The following CSMD1 variants were observed in gnomAD, a reference collection of about 807,000 sequenced individuals.
CSMD1 encodes CUB and sushi domain-containing protein 1.
CSMD1 carries 213 observed loss-of-function variants against 417.5 expected under a neutral mutation model. That is an observed-to-expected ratio of 0.51 (90% CI 0.46 to 0.57). The LOEUF (loss-of-function observed/expected upper bound fraction) is 0.57. CSMD1 is among the 20% of genes least tolerant of loss of function. The pLI, the probability that CSMD1 is intolerant of heterozygous loss-of-function variation, is 0.00. For synonymous variants in CSMD1, 2,862 were observed against 1,736.8 expected (o/e 1.65, Z -16.11); for missense variants, 6,923 against 4,529.7 (o/e 1.53, Z -15.17).
At chr8:3,650,041 A>C (rs143312587) in intron 7 of CSMD1, among the ~76,000 whole-genome samples, 1 of 152,160 alleles carries the variant, frequency 6.6e-6, no homozygotes, top group Non-Finnish European at 1.5e-5. Context: ...CACTTTGGGA[A>C]GCCAAGGCGG....
rs567995226 is a variant in CSMD1 at position 4,419,133 on chromosome 8, A to C, written c.415+820T>G. On this transcript the variant is annotated intron_variant, in intron 3 of 69. Transcript: ENST00000635120. ...CTTAGTAGCAAATGACATCCCAAGT[A>C]AACAGTGTGTGTTGTAAATAGGAAT... Among the ~76,000 whole-genome samples the C allele has an allele frequency of 2.6e-5, 4 of 152,306 alleles. No homozygotes were observed. In the East Asian group the frequency reaches 7.7e-4, roughly 29 times the overall value.
intron 3 of CSMD1, among the ~76,000 whole-genome samples, chr8:4,162,482 G>A (rs945005835): frequency 6.6e-6 from 1 of 152,134 alleles, no homozygotes; most frequent in Non-Finnish European, 1.5e-5. Flanking sequence ...AAGCCAGTTT[G>A]ATGAACAGTT....
chr8:4,966,207 TACA>T (rs1809846084), intron 1 of CSMD1, among the ~76,000 whole-genome samples: 1 of 36,842 alleles, frequency 2.7e-5, no homozygotes. Flanking sequence ...CTACTAAATA[TACA>T]AAAAAAAAAA....
chr8:4,109,933 A>G (rs1170017298), intron 3 of CSMD1, among the ~76,000 whole-genome samples: 4 of 152,166 alleles, frequency 2.6e-5, no homozygotes, highest in Admixed American at 1.3e-4. Context: ...ATGAAATAAG[A>G]TCATGACAAT....
At chr8:3,224,849 T>G (rs1243346508) in intron 27 of CSMD1, among the ~76,000 whole-genome samples, 2 of 152,190 alleles carry the variant, frequency 1.3e-5, no homozygotes, top group Non-Finnish European at 2.9e-5. Context: ...ACGGAAGGTG[T>G]GAAAACACTG....
At chr8:4,797,874 C>A (rs111822406) in intron 1 of CSMD1, among the ~76,000 whole-genome samples, 3,467 of 152,164 alleles carry the variant, frequency 0.023, 112 homozygotes, top group African/African-American at 0.066. Context: ...ATGGATTTTA[C>A]GAAAATCATC....
At chr8:3,000,216 T>A in intron 52 of CSMD1, 85 bp from the exon 53 acceptor site, 1 of 939,758 alleles carries the variant, frequency 1.1e-6, no homozygotes, top group African/African-American at 1.7e-5. Flanking sequence ...ATCAAGTCAA[T>A]AACAGTATTG....
At chr8:2,998,491 A>G (rs1807111569) in intron 53 of CSMD1, among the ~76,000 whole-genome samples, 1 of 152,214 alleles carries the variant, frequency 6.6e-6, no homozygotes, top group African/African-American at 2.4e-5. Flanking sequence ...TTAAAAACGA[A>G]GCAGTGAAAA....
chr8:3,862,959 A>T (rs1804820093), intron 5 of CSMD1, among the ~76,000 whole-genome samples: 1 of 152,154 alleles, frequency 6.6e-6, no homozygotes, highest in Non-Finnish European at 1.5e-5. Context: ...ATAGTTCACA[A>T]TTCTGGAGTC....
At chr8:3,562,289 G>A (rs142131946) in intron 10 of CSMD1, among the ~76,000 whole-genome samples, 2 of 143,334 alleles carry the variant, frequency 1.4e-5, no homozygotes, top group Non-Finnish European at 3.1e-5. Flanking sequence ...TGATGAGAGA[G>A]TTTTAGAATC....
At chr8:4,643,897 G>C (rs368901494) in intron 1 of CSMD1, among the ~76,000 whole-genome samples, 6 of 152,152 alleles carry the variant, frequency 3.9e-5, no homozygotes, top group Admixed American at 6.5e-5. Flanking sequence ...ATGCCCTGTA[G>C]GAGGCTTTGA....
At chr8:3,441,761 T>A (rs921805939) in intron 12 of CSMD1, among the ~76,000 whole-genome samples, 2 of 152,116 alleles carry the variant, frequency 1.3e-5, no homozygotes, top group African/African-American at 4.8e-5. Flanking sequence ...CACTTGATAA[T>A]AATAAGTGAC....
chr8:3,263,130 A>C (rs1234273469), intron 26 of CSMD1, among the ~76,000 whole-genome samples: 1 of 151,862 alleles, frequency 6.6e-6, no homozygotes, highest in Non-Finnish European at 1.5e-5. Flanking sequence ...AGAGAGTTTC[A>C]CTTTGTTGTC....
At chr8:3,197,629 C>G (rs1246329222) in intron 33 of CSMD1, among the ~76,000 whole-genome samples, 1 of 151,954 alleles carries the variant, frequency 6.6e-6, no homozygotes, top group Non-Finnish European at 1.5e-5. Flanking sequence ...CCACGCCCGG[C>G]TAATTTTTGT....
chr8:3,092,556 G>A (rs1241348902), intron 47 of CSMD1, among the ~76,000 whole-genome samples: 1 of 152,122 alleles, frequency 6.6e-6, no homozygotes, highest in Admixed American at 6.6e-5. Context: ...TATAAGATGA[G>A]GGCCTAAAGT....
intron 5 of CSMD1, among the ~76,000 whole-genome samples, chr8:3,799,178 T>A (rs1408181092): frequency 1.3e-5 from 2 of 152,070 alleles, no homozygotes; most frequent in Non-Finnish European, 2.9e-5. Flanking sequence ...TATTTGACTA[T>A]CATAAGAAAA....
intron 3 of CSMD1, among the ~76,000 whole-genome samples, chr8:4,238,955 G>T (rs540765038): frequency 6.6e-6 from 1 of 152,284 alleles, no homozygotes; most frequent in Non-Finnish European, 1.5e-5. Context: ...TTCTTCTGTA[G>T]AGAGTAGACA....
Position 3,041,454 on chromosome 8 carries a change from T to C in CSMD1, c.7660+11008A>G, listed in dbSNP as rs527848206. The stretch of plus-strand genomic sequence containing the variant: ...GAAAATACACACCTTGAAAACCTTT[T>C]TCTAGCAACATTTAAATTTTTTCTA... On this transcript the variant is annotated intron_variant, in intron 50 of 69. Transcript: ENST00000635120. 5.3e-5 allele frequency among the ~76,000 whole-genome samples: 8 copies of C among 152,300 alleles called. No homozygotes were observed. In the East Asian group the frequency reaches 1.5e-3, roughly 29 times the overall value.
chr8:4,400,353 A>G (rs1252115372), intron 3 of CSMD1, among the ~76,000 whole-genome samples: 1 of 152,226 alleles, frequency 6.6e-6, no homozygotes, highest in Non-Finnish European at 1.5e-5. Context: ...ATAAATTGTC[A>G]AAGCTTCCAA....
Sources: allele counts gnomAD v4.1 joint callset (sites outside exome capture counted in the v4.1 genomes callset), GRCh38; gene constraint gnomAD v4.1.1; transcripts MANE v1.5; gene names NCBI Gene and HGNC (gene_info 2026-07-23, HGNC 2026-07-21).